The following PLCXD3 variants were observed in gnomAD, a reference collection of about 807,000 sequenced individuals.
The protein encoded by PLCXD3 is phosphatidylinositol specific phospholipase C X domain containing 3.
A neutral mutation model predicts 25.5 loss-of-function variants in PLCXD3; 19 were observed. The observed-to-expected ratio is 0.75, with a 90% confidence interval of 0.52 to 1.09. The LOEUF (loss-of-function observed/expected upper bound fraction) is 1.09, where lower values mean the gene tolerates loss of function less well. Among genes scored for constraint, PLCXD3 ranks in the 50% least tolerant of loss-of-function variants. The pLI is 0.00. For missense variants in PLCXD3, 411 were observed against 388.1 expected (o/e 1.06, Z -0.50); for synonymous variants, 174 against 137.6 (o/e 1.26, Z -1.85).
chr5:41,331,418 A>C (rs1743800663), intron 2 of PLCXD3, among the ~76,000 whole-genome samples: 1 of 152,188 alleles, frequency 6.6e-6, no homozygotes, highest in African/African-American at 2.4e-5. Flanking sequence ...GAGAACTACA[A>C]ACCACTGCTC....
chr5:41,421,274 T>C (rs1383727112), intron 1 of PLCXD3, among the ~76,000 whole-genome samples: 2 of 152,244 alleles, frequency 1.3e-5, no homozygotes, highest in Non-Finnish European at 2.9e-5. Flanking sequence ...AATCCCTAAT[T>C]CTTTTTTAAT....
intron 2 of PLCXD3, among the ~76,000 whole-genome samples, chr5:41,338,232 T>C (rs1369851467): frequency 6.6e-6 from 1 of 152,156 alleles, no homozygotes; most frequent in Non-Finnish European, 1.5e-5. Flanking sequence ...ATTAAAGATG[T>C]GCCTAAAACA....
At chr5:41,412,907 G>A (rs1746600981) in intron 1 of PLCXD3, among the ~76,000 whole-genome samples, 1 of 152,060 alleles carries the variant, frequency 6.6e-6, no homozygotes, top group Admixed American at 6.6e-5. Flanking sequence ...CTGTCTTCTG[G>A]TAGGAATTGT....
At chr5:41,450,782 G>T (rs1168193971) in intron 1 of PLCXD3, among the ~76,000 whole-genome samples, 1 of 152,030 alleles carries the variant, frequency 6.6e-6, no homozygotes, top group Non-Finnish European at 1.5e-5. Flanking sequence ...ATAGTGAGGG[G>T]TCACACAACC....
chr5:41,415,081 C>A (rs1746662785), intron 1 of PLCXD3, among the ~76,000 whole-genome samples: 1 of 152,060 alleles, frequency 6.6e-6, no homozygotes, highest in Admixed American at 6.5e-5. Flanking sequence ...TGGTACTATT[C>A]ATAATTTCAA....
chr5:41,367,662 A>G (rs1480868495), intron 2 of PLCXD3, among the ~76,000 whole-genome samples: 1 of 152,060 alleles, frequency 6.6e-6, no homozygotes, highest in Non-Finnish European at 1.5e-5. Flanking sequence ...CTATTTGTCA[A>G]TTTTGGCTTC....
chr5:41,425,553 G>A (rs1746935726), intron 1 of PLCXD3, among the ~76,000 whole-genome samples: 1 of 152,124 alleles, frequency 6.6e-6, no homozygotes, highest in Non-Finnish European at 1.5e-5. Context: ...TTGGACAAAT[G>A]TATAATGACA....
intron 1 of PLCXD3, among the ~76,000 whole-genome samples, chr5:41,397,879 A>C (rs1012932034): frequency 6.6e-6 from 1 of 152,160 alleles, no homozygotes; most frequent in Admixed American, 6.5e-5. Flanking sequence ...TTTGACTTGC[A>C]TGGGTCCTGT....
At chr5:41,492,644 T>C (rs1748730641) in intron 1 of PLCXD3, among the ~76,000 whole-genome samples, 2 of 151,810 alleles carry the variant, frequency 1.3e-5, no homozygotes, top group Non-Finnish European at 2.9e-5. Context: ...CTTTTTATTC[T>C]TTTTTTCTCT....
At chr5:41,438,971 C>G (rs963734096) in intron 1 of PLCXD3, among the ~76,000 whole-genome samples, 3 of 152,118 alleles carry the variant, frequency 2.0e-5, no homozygotes, top group Non-Finnish European at 4.4e-5. Flanking sequence ...AGGTGAATTT[C>G]AAGACCTGTT....
intron 1 of PLCXD3, among the ~76,000 whole-genome samples, chr5:41,492,626 G>T (rs1748729478): frequency 6.6e-6 from 1 of 150,802 alleles, no homozygotes; most frequent in Non-Finnish European, 1.5e-5. Flanking sequence ...TGGAGGCTTT[G>T]TTCGTTTCTT....
At chr5:41,489,585 T>G (rs1338174868) in intron 1 of PLCXD3, among the ~76,000 whole-genome samples, 7 of 151,306 alleles carry the variant, frequency 4.6e-5, no homozygotes, top group African/African-American at 1.7e-4. Context: ...TTCCATTTGT[T>G]TGTATCCTCT....
rs202020226 is a variant in PLCXD3, at chr5:41,347,347, G to C, written c.813-33577C>G. Among the ~76,000 whole-genome samples the C allele has an allele frequency of 8.5e-5, 13 of 152,154 alleles. No individual in the cohort carries two copies. The East Asian group carries it at 2.3e-3, about 27-fold the overall frequency. On this transcript the variant is annotated intron_variant, in intron 2 of 2. Coordinates refer to ENST00000377801, the MANE Select transcript of PLCXD3 (RefSeq NM_001005473.3). ...TGATTTCTGGTTCACTAATGGCAAG[G>C]CTTGTCACTTAGTAGATTTGGTTTA...
chr5:41,361,146 C>T (rs1428951879), intron 2 of PLCXD3, among the ~76,000 whole-genome samples: 1 of 151,952 alleles, frequency 6.6e-6, no homozygotes, highest in Middle Eastern at 3.2e-3. Flanking sequence ...GTTACGGCTG[C>T]CTCTTCTGAG....
chr5:41,492,881 T>C (rs539008336), intron 1 of PLCXD3, among the ~76,000 whole-genome samples: 259 of 152,364 alleles, frequency 1.7e-3, no homozygotes, highest in African/African-American at 5.7e-3. Flanking sequence ...TTGAATTTCC[T>C]CCTGTAGCTC....
chr5:41,334,967 T>G (rs957152187), intron 2 of PLCXD3, among the ~76,000 whole-genome samples: 22 of 152,152 alleles, frequency 1.4e-4, no homozygotes, highest in Non-Finnish European at 2.8e-4. Flanking sequence ...TTTGCAATTT[T>G]TAAACAAAGA....
chr5:41,333,705 C>T (rs1353791047), intron 2 of PLCXD3, among the ~76,000 whole-genome samples: 1 of 152,022 alleles, frequency 6.6e-6, no homozygotes, highest in Non-Finnish European at 1.5e-5. Context: ...AATACTCTAG[C>T]AAGCAAGTCT....
intron 1 of PLCXD3, among the ~76,000 whole-genome samples, chr5:41,398,959 C>T (rs1746093805): frequency 6.6e-6 from 1 of 152,104 alleles, no homozygotes; most frequent in Non-Finnish European, 1.5e-5. Context: ...AAAATCTAGG[C>T]TTCAGAGAAC....
intron 2 of PLCXD3, among the ~76,000 whole-genome samples, chr5:41,350,243 G>A (rs1343891979): frequency 2.6e-5 from 4 of 152,008 alleles, no homozygotes; most frequent in Non-Finnish European, 5.9e-5. Context: ...CATTGAAAAC[G>A]AATGAGGCAT....
Sources: gnomAD v4.1 joint callset for allele counts (sites outside exome capture counted in the v4.1 genomes callset) on GRCh38, gnomAD v4.1.1 for gene constraint, MANE v1.5 for transcripts, NCBI Gene and HGNC (gene_info 2026-07-23, HGNC 2026-07-21) for gene names.